Variants in COL18A1 observed in about 807,000 individuals in gnomAD.
COL18A1 encodes collagen type XVIII alpha 1 chain, also known as collagen alpha-1(XVIII) chain.
COL18A1 carries 133 observed loss-of-function variants against 168.0 expected under a neutral mutation model. The observed-to-expected ratio is 0.79, with a 90% CI of 0.69 to 0.91. COL18A1 has a LOEUF of 0.91. Ranked by LOEUF, COL18A1 falls within the 40% of genes least tolerant of loss-of-function variation. COL18A1 has a pLI of 0.00. For missense variants in COL18A1, 2,126 were observed against 1,925.4 expected (o/e 1.10, Z -1.95); for synonymous variants, 949 against 809.0 (o/e 1.17, Z -2.94).
intron 37 of COL18A1, 75 bp downstream of exon 37, chr21:45,506,041 A>C (rs745472433): frequency 6.2e-6 from 10 of 1,607,848 alleles, no homozygotes; most frequent in Non-Finnish European, 8.5e-6. Context: ...GGAAGGCGAG[A>C]GGCTCAGGCC....
intron 24 of COL18A1, 127 bp downstream of exon 24, chr21:45,492,840 C>T: frequency 1.2e-6 from 1 of 807,302 alleles, no homozygotes; most frequent in Non-Finnish European, 2.1e-6. Context: ...CAGTCACTGC[C>T]CCCAAGGAAA....
chr21:45,413,655 G>A (rs2033362515), intron 2 of COL18A1, among the ~76,000 whole-genome samples: 2 of 152,240 alleles, frequency 1.3e-5, no homozygotes, highest in South Asian at 4.1e-4. Context: ...CAGCCAGAAA[G>A]AAGGAAGCGT....
rs530969698 is a variant in COL18A1, at chr21:45,477,691, G to A, written c.1006-59G>A. 1.9e-5 allele frequency: 28 copies of A among 1,446,912 alleles called. 1 individual carries two copies. Among genetic ancestry groups the A allele is most frequent in the Middle Eastern group, 3.6e-4 (2 of 5,512 alleles). 89.6% of individuals were successfully genotyped at this position (1,446,912 alleles called of 1,614,324 possible). A position where few individuals can be genotyped will look rare whatever the true frequency, so the allele number is the denominator to read the frequency against. ...GACTCTGGAGGGCGCAGCGGGACAC[G>A]TGGGCAGGGTGTGTGGGGCCCCACC... On this transcript the variant is annotated intron_variant, in intron 7 of 41. Transcript: ENST00000651438.
chr21:45,480,735 C>T lies in COL18A1; in HGVS notation c.1488C>T (p.Pro496=), dbSNP rs1306196387. Residue 496 remains proline (P), a synonymous_variant, in exon 13 of 42, where the codon CCC becomes CCT. Coordinates refer to ENST00000651438, the MANE Select transcript of COL18A1 (RefSeq NM_001379500.1). ...GCTTCCCTGGACCTCCCGGACCCCC[C>T]GGTGTCCCAGGCCTGCCCGGCGAGC... ...PRGFPGPPGP[P]GVPGLPGEPG... The T allele has an allele frequency of 6.8e-6, 11 of 1,610,792 alleles. No homozygotes were observed. Among genetic ancestry groups the T allele is most frequent in the East Asian group, 2.2e-5 (1 of 44,866 alleles).
chr21:45,450,990 G>A lies in COL18A1; in HGVS notation c.107-17252G>A, dbSNP rs547719830. On this transcript the variant is annotated intron_variant, in intron 2 of 41. Coordinates refer to ENST00000651438, the MANE Select transcript of COL18A1 (RefSeq NM_001379500.1). The stretch of plus-strand genomic sequence containing the variant: ...TGGACGCTTAGGCTCCAGGGCCCTC[G>A]TGGCTGCTCCGGCGGTGCCATCACC... Among the ~76,000 whole-genome samples, 453 of 152,354 alleles carry A rather than the reference G, an allele frequency of 3.0e-3. 5 individuals are homozygous for A. The highest frequency in any genetic ancestry group is 0.01 in the Middle Eastern group (3 of 294).
chr21:45,498,327 C>T lies in COL18A1; in HGVS notation c.2683+666C>T, dbSNP rs145373876. The T allele has an allele frequency of 3.4e-3, 2,231 of 654,484 alleles. 37 individuals carry two copies. The African/African-American group carries it at 0.034, about 10-fold the overall frequency. The allele number at this position is 654,484 out of a possible 1,614,324, so 40.5% of individuals were successfully genotyped here. On this transcript the variant is annotated intron_variant, in intron 32 of 41. Coordinates refer to ENST00000651438, the MANE Select transcript of COL18A1 (RefSeq NM_001379500.1). This position sits in a 1 kb window ranked among gnomAD's most constrained non-coding sequence, Gnocchi z 4.5. ...TCTCGCCGCCACGGTCCCCTCTCGC[C>T]GCCAGGGTCCCCTCTCACCGCCAGG...
chr21:45,442,625 G>T (rs1463410077), intron 2 of COL18A1, among the ~76,000 whole-genome samples: 6 of 149,894 alleles, frequency 4.0e-5, no homozygotes, highest in African/African-American at 1.5e-4. Flanking sequence ...GTCCTGGTGT[G>T]GGCAGCGGGG....
rs2036040309 is a variant in COL18A1 at position 45,484,541 on chromosome 21, CAT to C, written c.1701+1721_1701+1722del. ...TATGTGCACATACACATAGCCAGCA[CAT>C]GTGCACACAGCTCTCATGTATGTGC... On this transcript the variant is annotated intron_variant, in intron 15 of 41. Transcript: ENST00000651438. Among the ~76,000 whole-genome samples the C allele has an allele frequency of 2.6e-5, 4 of 152,188 alleles. No individual in the cohort carries two copies. The South Asian group carries it at 6.2e-4, about 24-fold the overall frequency.
intron 2 of COL18A1, among the ~76,000 whole-genome samples, chr21:45,440,736 G>A (rs1427732317): frequency 6.6e-6 from 1 of 152,200 alleles, no homozygotes; most frequent in African/African-American, 2.4e-5. Flanking sequence ...GGCCTGCGGG[G>A]GTTTATGTCA....
At chr21:45,481,216 G>A (rs1053274692) in intron 13 of COL18A1, among the ~76,000 whole-genome samples, 1 of 152,184 alleles carries the variant, frequency 6.6e-6, no homozygotes. Flanking sequence ...GCCAGGGGAG[G>A]GAGGAGCCTG....
intron 2 of COL18A1, among the ~76,000 whole-genome samples, chr21:45,434,454 CG>C (rs979185427): frequency 6.6e-6 from 1 of 152,008 alleles, no homozygotes; most frequent in Non-Finnish European, 1.5e-5. Context: ...TTGCTCTCTC[CG>C]GGGGGGTTTG....
At chr21:45,414,686 T>C (rs2033392900) in intron 2 of COL18A1, among the ~76,000 whole-genome samples, 1 of 152,146 alleles carries the variant, frequency 6.6e-6, no homozygotes, top group Non-Finnish European at 1.5e-5. Flanking sequence ...TGCCCGCCAG[T>C]GAGAGGGCAG....
chr21:45,501,458 C>T (rs553931849), intron 32 of COL18A1, among the ~76,000 whole-genome samples: 3 of 144,664 alleles, frequency 2.1e-5, no homozygotes, highest in African/African-American at 8.3e-5. Flanking sequence ...GGAACTGTGA[C>T]CCCACGAGTG....
chr21:45,479,470 CACACAT>C (rs1256861982), intron 9 of COL18A1, among the ~76,000 whole-genome samples: 1 of 152,078 alleles, frequency 6.6e-6, no homozygotes, highest in Non-Finnish European at 1.5e-5. Context: ...CACGTGGATA[CACACAT>C]ACACATACCA....
chr21:45,507,637 A>T, intron 38 of COL18A1, 44 bp downstream of exon 38: 3 of 1,571,590 alleles, frequency 1.9e-6, no homozygotes, highest in Non-Finnish European at 2.6e-6. Context: ...TGGTCAGGAC[A>T]TGAGGGGGTA....
chr21:45,471,745 C>T lies in COL18A1; in HGVS notation c.652-2150C>T, dbSNP rs1190505191. Among the ~76,000 whole-genome samples the T allele has an allele frequency of 6.6e-6, 1 of 152,164 alleles. No homozygotes were observed. The highest frequency in any genetic ancestry group is 1.5e-5 in the Non-Finnish European group (1 of 68,016). On this transcript the variant is annotated intron_variant, in intron 3 of 41. Transcript: ENST00000651438. The surrounding 1 kb of genome is among the most constrained non-coding windows in gnomAD (Gnocchi z 4.4). ...GCTGTGTCCTGATTTCCAGCTGTGT[C>T]CTGATTTCCAGCTGTGTCCTGATTT...
chr21:45,508,249 A>G (rs1225352724), intron 38 of COL18A1, among the ~76,000 whole-genome samples: 5 of 121,378 alleles, frequency 4.1e-5, no homozygotes, highest in Non-Finnish European at 9.7e-5. Context: ...GGGTGAGTGG[A>G]TGGTGGACAG....
rs1041985687 is a variant in COL18A1 at position 45,457,745 on chromosome 21, G to C, written c.107-10497G>C. ...AGGCCCTATCCCCGCAGGGTGAGGTGCTCTGTCCTCCTCTGCTGTCCTCCC... is the reference window on the plus strand; with the variant it reads ...AGGCCCTATCCCCGCAGGGTGAGGTCCTCTGTCCTCCTCTGCTGTCCTCCC... On this transcript the variant is annotated intron_variant, in intron 2 of 41. Transcript: ENST00000651438. The surrounding 1 kb of genome is among the most constrained non-coding windows in gnomAD (Gnocchi z 4.6). Among the ~76,000 whole-genome samples, 6 of 152,200 alleles carry C rather than the reference G, an allele frequency of 3.9e-5. No individual in the cohort carries two copies. The highest frequency in any genetic ancestry group is 1.4e-4 in the African/African-American group (6 of 41,446).
Position 45,492,684 on chromosome 21 carries a change from C to T in COL18A1, c.2188-3C>T, listed in dbSNP as rs1173736064. 2.5e-6 allele frequency: 4 copies of T among 1,611,076 alleles called. No homozygotes were observed. The African/African-American group carries it at 4.0e-5, about 16-fold the overall frequency. On this transcript the variant is annotated splice_polypyrimidine_tract_variant and splice_region_variant and intron_variant, in intron 23 of 41. Transcript: ENST00000651438. ...CCAGCTGACGCCGTCCCTCTTTCCCCAGGGCCGGCCGGGTTTCGCAGGCTT... is the reference window on the plus strand; with the variant it reads ...CCAGCTGACGCCGTCCCTCTTTCCCTAGGGCCGGCCGGGTTTCGCAGGCTT...
Sources: allele counts gnomAD v4.1 joint callset (sites outside exome capture counted in the v4.1 genomes callset), GRCh38; gene constraint gnomAD v4.1.1; non-coding constraint Gnocchi (gnomAD v3.1); transcripts MANE v1.5; gene names NCBI Gene and HGNC (gene_info 2026-07-23, HGNC 2026-07-21).